Variants in RABGAP1L observed in about 807,000 individuals in gnomAD.
The protein encoded by RABGAP1L is RAB GTPase activating protein 1 like.
A neutral mutation model predicts 137.7 loss-of-function variants in RABGAP1L; 63 were observed. The observed-to-expected ratio is 0.46, with a 90% CI of 0.37 to 0.56. The LOEUF (loss-of-function observed/expected upper bound fraction) is 0.56. RABGAP1L is among the 20% of genes least tolerant of loss of function. The probability of loss-of-function intolerance (pLI) is 0.00; values close to 1 mark genes in which losing one functional copy is unlikely to be tolerated. For synonymous variants in RABGAP1L, 431 were observed against 433.7 expected, an observed-to-expected ratio of 0.99 and a Z score of 0.08; for missense variants, 1,095 against 1,244.0, an observed-to-expected ratio of 0.88 and a Z score of 1.80.
rs560854193 is a variant in RABGAP1L, at chr1:174,959,252, G to T, written c.2433+1703G>T. 7.2e-4 allele frequency among the ~76,000 whole-genome samples: 109 copies of T among 152,264 alleles called. 2 individuals carry two copies. In the South Asian group the frequency reaches 0.021, roughly 30 times the overall value. ...TCACATAGCATGCTGCTTTAGAAAG[G>T]CTTGAAGGTAGTAATTATAAACTAT... On this transcript the variant is annotated intron_variant, in intron 20 of 25. Transcript: ENST00000681986.
chr1:174,495,497 G>A (rs904642304), intron 13 of RABGAP1L, among the ~76,000 whole-genome samples: 3 of 152,070 alleles, frequency 2.0e-5, no homozygotes, highest in African/African-American at 7.2e-5. Flanking sequence ...TTATCTTAAT[G>A]TAAAATACTT....
chr1:174,690,994 G>A (rs1678834213), intron 15 of RABGAP1L, among the ~76,000 whole-genome samples: 1 of 151,948 alleles, frequency 6.6e-6, no homozygotes, highest in African/African-American at 2.4e-5. Context: ...ACCATGCCTG[G>A]CTAATTTTTG....
At chr1:174,543,899 C>A (rs1233653980) in intron 13 of RABGAP1L, among the ~76,000 whole-genome samples, 7 of 152,300 alleles carry the variant, frequency 4.6e-5, no homozygotes, top group African/African-American at 7.2e-5. Context: ...AAATTCTTTT[C>A]TTTAAGAATG....
In RABGAP1L at chr1:174,409,796, TA is replaced by T. The variant is rs566367015; in HGVS notation, c.1710+15652del. On this transcript the variant is annotated intron_variant, in intron 13 of 25. Transcript: ENST00000681986. Reference sequence around the variant, plus strand: ...TGGTCTCCTGCCGTACCCTCAGGCTTACTAGGATTGGGAAACCCCACCCTGG... The same window carrying T: ...TGGTCTCCTGCCGTACCCTCAGGCTTCTAGGATTGGGAAACCCCACCCTGG... 6.6e-5 allele frequency among the ~76,000 whole-genome samples: 10 copies of T among 152,308 alleles called. No homozygotes were observed. In the South Asian group the frequency reaches 2.1e-3, roughly 32 times the overall value.
chr1:174,686,260 T>G (rs1475064531), intron 15 of RABGAP1L, among the ~76,000 whole-genome samples: 1 of 152,228 alleles, frequency 6.6e-6, no homozygotes, highest in Non-Finnish European at 1.5e-5. Flanking sequence ...TTAATTATAA[T>G]AGTTCTATTA....
At chr1:174,280,046 CTG>C (rs1491145287) in intron 10 of RABGAP1L, among the ~76,000 whole-genome samples, 1 of 81,142 alleles carries the variant, frequency 1.2e-5, no homozygotes, top group African/African-American at 5.0e-5. Context: ...GTCTGTCTGC[CTG>C]GAGAGAGAGA....
At chr1:174,578,100 A>T (rs946672936) in intron 13 of RABGAP1L, among the ~76,000 whole-genome samples, 7 of 152,250 alleles carry the variant, frequency 4.6e-5, no homozygotes, top group African/African-American at 1.4e-4. Flanking sequence ...AAAGTAGTGC[A>T]TATGTGCCTG....
chr1:174,869,107 C>T (rs1651777852), intron 19 of RABGAP1L, among the ~76,000 whole-genome samples: 2 of 152,086 alleles, frequency 1.3e-5, no homozygotes. Flanking sequence ...AATAGTTTTG[C>T]CCCCTGTACA....
At chr1:174,769,598 A>G (rs911539906) in intron 18 of RABGAP1L, among the ~76,000 whole-genome samples, 1 of 152,196 alleles carries the variant, frequency 6.6e-6, no homozygotes, top group Non-Finnish European at 1.5e-5. Context: ...CATTTAAACT[A>G]TAAACTAAAT....
At chr1:174,640,928 T>C (rs1674481084) in intron 14 of RABGAP1L, among the ~76,000 whole-genome samples, 1 of 147,412 alleles carries the variant, frequency 6.8e-6, no homozygotes, top group African/African-American at 2.5e-5. Flanking sequence ...TTTAAAATAG[T>C]GTTTTCTATA....
chr1:174,339,238 C>T (rs901547217), intron 11 of RABGAP1L, among the ~76,000 whole-genome samples: 7 of 151,844 alleles, frequency 4.6e-5, no homozygotes, highest in Admixed American at 2.0e-4. Context: ...AAACATGCAG[C>T]GCAAAAACTC....
intron 13 of RABGAP1L, among the ~76,000 whole-genome samples, chr1:174,533,627 A>G (rs576917202): frequency 8.7e-4 from 133 of 152,290 alleles, no homozygotes; most frequent in African/African-American, 3.0e-3. Flanking sequence ...TTGTGTGACA[A>G]TGTAGTATAT....
intron 13 of RABGAP1L, among the ~76,000 whole-genome samples, chr1:174,530,403 G>A (rs958515202): frequency 6.6e-6 from 1 of 152,130 alleles, no homozygotes; most frequent in African/African-American, 2.4e-5. Context: ...CTCAGGGAGT[G>A]TGTAGGACCC....
At chr1:174,805,798 G>A (rs182482682) in intron 18 of RABGAP1L, among the ~76,000 whole-genome samples, 38 of 152,160 alleles carry the variant, frequency 2.5e-4, no homozygotes, top group East Asian at 7.7e-4. Flanking sequence ...CACTGCGCCC[G>A]GCCTATTAGT....
At chr1:174,206,447 A>G (rs1313516151) in intron 1 of RABGAP1L, among the ~76,000 whole-genome samples, 2 of 152,122 alleles carry the variant, frequency 1.3e-5, no homozygotes, top group African/African-American at 4.8e-5. Context: ...TTGGTTGGCA[A>G]ATGTTGTTCT....
intron 19 of RABGAP1L, among the ~76,000 whole-genome samples, chr1:174,876,526 G>A (rs1653131735): frequency 6.6e-6 from 1 of 152,000 alleles, no homozygotes; most frequent in Admixed American, 6.6e-5. Context: ...GTGATTATGG[G>A]CAACTTTCAA....
At chr1:174,505,180 G>A (rs1661703742) in intron 13 of RABGAP1L, among the ~76,000 whole-genome samples, 1 of 152,144 alleles carries the variant, frequency 6.6e-6, no homozygotes, top group African/African-American at 2.4e-5. Context: ...GTCTGGGAAA[G>A]CTCTACAAGC....
chr1:174,511,716 A>G (rs1472989022), intron 13 of RABGAP1L, among the ~76,000 whole-genome samples: 2 of 150,340 alleles, frequency 1.3e-5, no homozygotes, highest in East Asian at 3.9e-4. Flanking sequence ...TCCGCCTCCC[A>G]GGTTCAAGCA....
intron 19 of RABGAP1L, among the ~76,000 whole-genome samples, chr1:174,816,692 A>G (rs1177586740): frequency 6.6e-6 from 1 of 151,468 alleles, no homozygotes; most frequent in Non-Finnish European, 1.5e-5. Context: ...TGGCCATGTA[A>G]ACTTTTCCTG....
Sources: gnomAD v4.1 joint callset for allele counts (sites outside exome capture counted in the v4.1 genomes callset) on GRCh38, gnomAD v4.1.1 for gene constraint, MANE v1.5 for transcripts, NCBI Gene and HGNC (gene_info 2026-07-23, HGNC 2026-07-21) for gene names.